The following SPAG16 variants were observed in gnomAD, a reference collection of about 807,000 sequenced individuals.
The protein encoded by SPAG16 is sperm-associated antigen 16 protein.
SPAG16 carries 86 observed loss-of-function variants against 80.4 expected under a neutral mutation model. That is an observed-to-expected ratio of 1.07 (90% CI 0.90 to 1.28). The LOEUF (loss-of-function observed/expected upper bound fraction) is 1.28. SPAG16 is among the 50% of genes most tolerant of loss of function. The pLI is 0.00. For missense variants in SPAG16, 870 were observed against 765.3 expected, an observed-to-expected ratio of 1.14 and a Z score of -1.61; for synonymous variants, 294 against 265.9, an observed-to-expected ratio of 1.11 and a Z score of -1.03.
chr2:214,280,870 C>T (rs781354909), intron 15 of SPAG16: 7 of 425,742 alleles, frequency 1.6e-5, no homozygotes, highest in Non-Finnish European at 3.2e-5. Flanking sequence ...TTCTTGTAAG[C>T]ATCTTCATCT....
chr2:214,001,246 T>C (rs911610143), intron 12 of SPAG16, among the ~76,000 whole-genome samples: 1 of 152,236 alleles, frequency 6.6e-6, no homozygotes, highest in Non-Finnish European at 1.5e-5. Flanking sequence ...TTATTTCCTT[T>C]TGTGTTTAAA....
intron 15 of SPAG16, among the ~76,000 whole-genome samples, chr2:214,306,428 G>A (rs1020347005): frequency 6.6e-6 from 1 of 152,218 alleles, no homozygotes; most frequent in Non-Finnish European, 1.5e-5. Context: ...TAGGCATAGT[G>A]AGAGAGGGCA....
At chr2:213,388,651 C>T (rs1575454629) in intron 9 of SPAG16, among the ~76,000 whole-genome samples, 1 of 152,220 alleles carries the variant, frequency 6.6e-6, no homozygotes, top group African/African-American at 2.4e-5. Context: ...TTTCCAGACT[C>T]CAAATTACAA....
chr2:213,436,125 A>G (rs1459988141), intron 9 of SPAG16, among the ~76,000 whole-genome samples: 1 of 152,212 alleles, frequency 6.6e-6, no homozygotes, highest in Non-Finnish European at 1.5e-5. Context: ...CCTGAGTTTC[A>G]GTCCAAGCTG....
At chr2:214,276,180 A>C (rs1356338989) in intron 15 of SPAG16, among the ~76,000 whole-genome samples, 1 of 152,124 alleles carries the variant, frequency 6.6e-6, no homozygotes, top group East Asian at 1.9e-4. Context: ...TTTTGAGCCA[A>C]TGTGTGTCTC....
intron 10 of SPAG16, among the ~76,000 whole-genome samples, chr2:213,658,429 G>A (rs1038984915): frequency 2.0e-5 from 3 of 151,898 alleles, no homozygotes; most frequent in Non-Finnish European, 4.4e-5. Flanking sequence ...GAAATATCTG[G>A]ATACAAGCCA....
intron 15 of SPAG16, among the ~76,000 whole-genome samples, chr2:214,300,887 G>T (rs1427252729): frequency 6.6e-6 from 1 of 151,594 alleles, no homozygotes; most frequent in Non-Finnish European, 1.5e-5. Context: ...GAGGACTAAG[G>T]ATTCCTTCCT....
At chr2:213,749,735 G>C (rs2067997457) in intron 10 of SPAG16, among the ~76,000 whole-genome samples, 1 of 152,060 alleles carries the variant, frequency 6.6e-6, no homozygotes. Context: ...CTTTTTATAA[G>C]TTTGATTTTA....
intron 15 of SPAG16, among the ~76,000 whole-genome samples, chr2:214,293,563 AT>A (rs1024183578): frequency 2.0e-4 from 31 of 152,176 alleles, no homozygotes; most frequent in African/African-American, 7.5e-4. Flanking sequence ...CAGAGGCAGA[AT>A]ACTCCCCAGG....
intron 8 of SPAG16, among the ~76,000 whole-genome samples, chr2:213,369,057 A>G (rs1056507707): frequency 1.6e-4 from 25 of 152,340 alleles, no homozygotes; most frequent in Admixed American, 3.3e-4. Flanking sequence ...GAGGCTAGAA[A>G]CAATAAAATG....
chr2:213,648,144 A>C (rs1419124349), intron 10 of SPAG16, among the ~76,000 whole-genome samples: 1 of 152,174 alleles, frequency 6.6e-6, no homozygotes, highest in Middle Eastern at 3.2e-3. Context: ...AGACGTAACC[A>C]TTTTTTATAT....
intron 14 of SPAG16, among the ~76,000 whole-genome samples, chr2:214,141,442 G>C (rs1418962093): frequency 4.0e-5 from 6 of 150,920 alleles, no homozygotes; most frequent in Non-Finnish European, 8.9e-5. Context: ...ACTCCAGCCC[G>C]GGTGACAGAG....
intron 10 of SPAG16, among the ~76,000 whole-genome samples, chr2:213,657,461 T>G (rs2063262016): frequency 6.6e-6 from 1 of 152,156 alleles, no homozygotes; most frequent in African/African-American, 2.4e-5. Flanking sequence ...TTTTAAAAAA[T>G]TGATTGTCTA....
At chr2:213,730,262 G>A (rs572389922) in intron 10 of SPAG16, among the ~76,000 whole-genome samples, 1 of 152,290 alleles carries the variant, frequency 6.6e-6, no homozygotes, top group African/African-American at 2.4e-5. Flanking sequence ...AACTGCAGTG[G>A]CTGTGGTTGA....
chr2:213,641,289 C>T (rs929562284), intron 10 of SPAG16, among the ~76,000 whole-genome samples: 5 of 152,242 alleles, frequency 3.3e-5, no homozygotes, highest in Admixed American at 6.5e-5. Context: ...TTCTGCTGTG[C>T]TCTGTCAACA....
At chr2:213,871,147 C>CA (rs1255961171) in intron 11 of SPAG16, among the ~76,000 whole-genome samples, 4 of 151,986 alleles carry the variant, frequency 2.6e-5, no homozygotes, top group African/African-American at 4.8e-5. Flanking sequence ...CTGCATTGGA[C>CA]AAAAAATCCT....
chr2:213,622,709 C>A (rs1332337124), intron 10 of SPAG16, among the ~76,000 whole-genome samples: 1 of 152,152 alleles, frequency 6.6e-6, no homozygotes, highest in African/African-American at 2.4e-5. Context: ...AAGTAGGACT[C>A]TTCTGATTGC....
At chr2:213,741,085 A>T (rs1263989281) in intron 10 of SPAG16, among the ~76,000 whole-genome samples, 1 of 152,218 alleles carries the variant, frequency 6.6e-6, no homozygotes, top group East Asian at 1.9e-4. Flanking sequence ...TAATGTGACA[A>T]CTAAAAGAAA....
chr2:213,913,728 C>T (rs776118231), intron 11 of SPAG16, among the ~76,000 whole-genome samples: 2 of 151,708 alleles, frequency 1.3e-5, no homozygotes, highest in South Asian at 4.2e-4. Flanking sequence ...CAAAGAGATA[C>T]ATGCAGAGAC....
Sources: gnomAD v4.1 joint callset for allele counts (sites outside exome capture counted in the v4.1 genomes callset) on GRCh38, gnomAD v4.1.1 for gene constraint, MANE v1.5 for transcripts, NCBI Gene and HGNC (gene_info 2026-07-23, HGNC 2026-07-21) for gene names.